The following HDGFL3 variants were observed in gnomAD, a reference collection of about 807,000 sequenced individuals.
HDGFL3 encodes the protein hepatoma-derived growth factor-related protein 3.
Under a neutral mutation model 27.6 loss-of-function variants are expected in HDGFL3, and 6 were observed. The ratio of observed to expected loss-of-function variants is 0.22; its 90% CI spans 0.12 to 0.43. The LOEUF (loss-of-function observed/expected upper bound fraction) is 0.43, where lower values mean the gene tolerates loss of function less well. HDGFL3 is among the 20% of genes least tolerant of loss of function. The pLI, the probability that HDGFL3 is intolerant of heterozygous loss-of-function variation, is 1.00. For synonymous variants in HDGFL3, 88 were observed against 88.9 expected, an observed-to-expected ratio of 0.99 and a Z score of 0.05; for missense variants, 207 against 250.1, an observed-to-expected ratio of 0.83 and a Z score of 1.16.
At chr15:83,147,814 C>G (rs1352690694) in intron 5 of HDGFL3, among the ~76,000 whole-genome samples, 1 of 152,016 alleles carries the variant, frequency 6.6e-6, no homozygotes, top group African/African-American at 2.4e-5. Context: ...AGTCTGATTG[C>G]TAAAAATATC....
chr15:83,173,404 A>G (rs2037270271), intron 1 of HDGFL3, among the ~76,000 whole-genome samples: 1 of 152,234 alleles, frequency 6.6e-6, no homozygotes, highest in South Asian at 2.1e-4. Context: ...TAAGCTATGA[A>G]GTTTGGTAGC....
chr15:83,124,843 T>C (rs1489580371), downstream of HDGFL3: 3 of 1,335,934 alleles, frequency 2.2e-6, no homozygotes, highest in Admixed American at 3.6e-5. Context: ...GGAAAAAAAC[T>C]TAGAAATATG....
rs569176678 is a variant in HDGFL3 at position 83,136,400 on chromosome 15, G to T, written c.*2870C>A. On this transcript the variant is annotated 3_prime_UTR_variant, in exon 6 of 6. Coordinates refer to ENST00000299633, the MANE Select transcript of HDGFL3 (RefSeq NM_016073.4). ...TTTTGAGGGCACAGAAACGTAGCCTGAATGAACCATTCAGAACTCATCATG... is the reference window on the plus strand; with the variant it reads ...TTTTGAGGGCACAGAAACGTAGCCTTAATGAACCATTCAGAACTCATCATG... 7.8e-7 allele frequency: 1 copy of T among 1,273,942 alleles called. No homozygotes were observed. The highest frequency in any genetic ancestry group is 2.5e-5 in the East Asian group (1 of 40,756). The allele number at this position is 1,273,942 out of a possible 1,614,324, so 78.9% of individuals were successfully genotyped here.
intron 1 of HDGFL3, among the ~76,000 whole-genome samples, chr15:83,206,658 T>C (rs893592053): frequency 1.7e-4 from 26 of 152,214 alleles, no homozygotes; most frequent in Admixed American, 4.6e-4. Flanking sequence ...CACAAGAAGC[T>C]TGCTGGACCC....
At position 83,136,403 on chromosome 15, in the gene HDGFL3, T is replaced by G; in HGVS notation, c.*2867A>C. On this transcript the variant is annotated 3_prime_UTR_variant, in exon 6 of 6. Coordinates refer to ENST00000299633, the MANE Select transcript of HDGFL3 (RefSeq NM_016073.4). ...TGAGGGCACAGAAACGTAGCCTGAA[T>G]GAACCATTCAGAACTCATCATGCAT... 7.7e-7 allele frequency: 1 copy of G among 1,290,472 alleles called. No homozygotes were observed. Among genetic ancestry groups the G allele is most frequent in the South Asian group, 1.8e-5 (1 of 56,822 alleles). The allele number at this position is 1,290,472 out of a possible 1,614,324, so 79.9% of individuals were successfully genotyped here.
chr15:83,119,416 A>T (rs1007857318), intron 3 of HDGFL3, among the ~76,000 whole-genome samples: 2 of 152,228 alleles, frequency 1.3e-5, no homozygotes, highest in African/African-American at 4.8e-5. Flanking sequence ...GCTCCAGCGT[A>T]AAGTTGTATT....
At position 83,133,213 on chromosome 15, in the gene HDGFL3, C is replaced by T. The variant is rs2036373703; in HGVS notation, c.*6057G>A. 6.6e-6 allele frequency: 1 copy of T among 152,198 alleles called. No homozygotes were observed. Among genetic ancestry groups the T allele is most frequent in the South Asian group, 2.1e-4 (1 of 4,830 alleles). 9.4% of individuals were successfully genotyped at this position (152,198 alleles called of 1,614,324 possible). A position where few individuals can be genotyped will look rare whatever the true frequency, so the allele number is the denominator to read the frequency against. On this transcript the variant is annotated 3_prime_UTR_variant, in exon 6 of 6. Transcript: ENST00000299633. ...CCAATGAACTATGTTGCTCAGAAAA[C>T]TCTAAGAAAAGATAACACAGTTCTA...
At chr15:83,165,875 T>C (rs1486380982) in intron 1 of HDGFL3, among the ~76,000 whole-genome samples, 1 of 150,872 alleles carries the variant, frequency 6.6e-6, no homozygotes, top group Non-Finnish European at 1.5e-5. Context: ...GACCGGTCTT[T>C]TGAACTAGTC....
intron 1 of HDGFL3, among the ~76,000 whole-genome samples, chr15:83,199,394 T>A (rs1332951233): frequency 1.3e-5 from 2 of 152,146 alleles, no homozygotes; most frequent in East Asian, 3.8e-4. Context: ...TCATAAAAAA[T>A]CCTTAATCTT....
chr15:83,158,957 C>G (rs2037065143), intron 2 of HDGFL3, among the ~76,000 whole-genome samples: 2 of 152,026 alleles, frequency 1.3e-5, no homozygotes, highest in African/African-American at 4.8e-5. Flanking sequence ...GATTCTCCTG[C>G]CTCAGCCTTC....
intron 1 of HDGFL3, among the ~76,000 whole-genome samples, chr15:83,174,321 GTC>G (rs2037282959): frequency 6.6e-6 from 1 of 152,056 alleles, no homozygotes; most frequent in Non-Finnish European, 1.5e-5. Flanking sequence ...CCCCTGAAAT[GTC>G]TCTCAAAGTG....
At chr15:83,127,490 T>G (rs1164939747), downstream of HDGFL3, 1 of 1,612,678 alleles carries the variant, frequency 6.2e-7, no homozygotes, top group Non-Finnish European at 8.5e-7. Context: ...ACTAAGAATA[T>G]TCTGTTGAGA....
chr15:83,201,093 T>C (rs1350806429), intron 1 of HDGFL3, among the ~76,000 whole-genome samples: 2 of 152,112 alleles, frequency 1.3e-5, no homozygotes, highest in South Asian at 2.1e-4. Context: ...AAATACACCA[T>C]ATGAGCAAAT....
chr15:83,118,248 C>G (rs1189678775), intron 3 of HDGFL3, among the ~76,000 whole-genome samples: 2 of 151,946 alleles, frequency 1.3e-5, no homozygotes, highest in African/African-American at 4.8e-5. Context: ...CACACACACA[C>G]ACACACACAC....
intron 2 of HDGFL3, among the ~76,000 whole-genome samples, chr15:83,160,530 C>T (rs2037087633): frequency 6.9e-6 from 1 of 145,020 alleles, no homozygotes; most frequent in African/African-American, 2.6e-5. Flanking sequence ...TTGGTATTTA[C>T]CGAAATGGAA....
chr15:83,194,181 T>C (rs911625714), intron 1 of HDGFL3, among the ~76,000 whole-genome samples: 2 of 152,204 alleles, frequency 1.3e-5, no homozygotes, highest in Non-Finnish European at 2.9e-5. Context: ...TATCCATCAG[T>C]GGATGAATAA....
rs1019639862 is a variant in HDGFL3, at chr15:83,133,089, A to G, written c.*6181T>C. On this transcript the variant is annotated 3_prime_UTR_variant, in exon 6 of 6. Coordinates refer to ENST00000299633, the MANE Select transcript of HDGFL3 (RefSeq NM_016073.4). ...CCTCACTGAACCCTCATAACAACCT[A>G]TGAGGTGGGTTCCACACCTCACCCG... 2 of 152,178 alleles carry G rather than the reference A, an allele frequency of 1.3e-5. No homozygotes were observed. Among genetic ancestry groups the G allele is most frequent in the South Asian group, 2.1e-4 (1 of 4,834 alleles). 9.4% of individuals were successfully genotyped at this position (152,178 alleles called of 1,614,324 possible). A position where few individuals can be genotyped will look rare whatever the true frequency, so the allele number is the denominator to read the frequency against.
chr15:83,165,222 C>T (rs2037154896), intron 1 of HDGFL3, among the ~76,000 whole-genome samples: 1 of 152,184 alleles, frequency 6.6e-6, no homozygotes, highest in South Asian at 2.1e-4. Context: ...TGTAAATCCA[C>T]CTCTGTATGT....
At chr15:83,119,412 G>C (rs1271276484) in intron 3 of HDGFL3, among the ~76,000 whole-genome samples, 2 of 152,204 alleles carry the variant, frequency 1.3e-5, no homozygotes, top group African/African-American at 4.8e-5. Context: ...GGCAGCTCCA[G>C]CGTAAAGTTG....
Sources: gnomAD v4.1 joint callset for allele counts (sites outside exome capture counted in the v4.1 genomes callset) on GRCh38, gnomAD v4.1.1 for gene constraint, MANE v1.5 for transcripts, NCBI Gene and HGNC (gene_info 2026-07-23, HGNC 2026-07-21) for gene names.